Variants in SBK1 observed in about 807,000 individuals in gnomAD.
SBK1 encodes SH3 domain binding kinase 1.
Under a neutral mutation model 24.4 loss-of-function variants are expected in SBK1, and 11 were observed. That is an observed-to-expected ratio of 0.45 (90% confidence interval 0.28 to 0.75). The LOEUF (loss-of-function observed/expected upper bound fraction) is 0.75, where lower values mean the gene tolerates loss of function less well. SBK1 is among the 30% of genes least tolerant of loss of function. The pLI, the probability that SBK1 is intolerant of heterozygous loss-of-function variation, is 0.12. For synonymous variants in SBK1, 308 were observed against 284.4 expected (o/e 1.08, Z -0.83); for missense variants, 467 against 620.5 (o/e 0.75, Z 2.63).
chr16:28,287,286 C>CAAAAAAAAAAAAAAAA (rs56232453), intron 1 of SBK1, among the ~76,000 whole-genome samples: 1 of 124,870 alleles, frequency 8.0e-6, no homozygotes, highest in Non-Finnish European at 1.7e-5. Flanking sequence ...ACTAAAAATA[C>CAAAAAAAAAAAAAAAA]AAAAAAAAAA....
chr16:28,273,062 T>C (rs2044476532), intron 1 of SBK1, among the ~76,000 whole-genome samples: 1 of 151,984 alleles, frequency 6.6e-6, no homozygotes, highest in South Asian at 2.1e-4. Context: ...GGAGTGCTAA[T>C]ACCATTTTGA....
chr16:28,320,951 C>CA lies in SBK1; in HGVS notation c.*31dup. The stretch of plus-strand genomic sequence containing the variant: ...CCTCCGCCGCCCTCGGACCCGGGAG[C>CA]AGCCCGGGCCCGCCCCGAGCCGGTG... On this transcript the variant is annotated 3_prime_UTR_variant, in exon 4 of 4. Transcript: ENST00000341901. The surrounding 1 kb of genome is among the most constrained non-coding windows in gnomAD (Gnocchi z 8.5). 1 of 1,370,248 alleles carries CA rather than the reference C, an allele frequency of 7.3e-7. No individual in the cohort carries two copies. The allele number at this position is 1,370,248 out of a possible 1,614,324, so 84.9% of individuals were successfully genotyped here. A position where few individuals can be genotyped will look rare whatever the true frequency, so the allele number is the denominator to read the frequency against.
In SBK1 at chr16:28,320,536, C is replaced by T; in HGVS notation, c.890C>T (p.Ala297Val). Reference protein sequence around the residue: ...PALRMFQRLLALEPERRGPAK... With the variant: ...PALRMFQRLLVLEPERRGPAK... ...CTGCGCATGTTCCAGCGCTTACTGG[C>T]CCTGGAGCCCGAGCGCCGCGGCCCA... Residue 297 changes from alanine to valine, a missense_variant, in exon 4 of 4, where the codon GCC becomes GTC. Ala to Val is a moderately conservative substitution (Grantham distance 64). This residue lies in a region of SBK1 where 86 missense variants were observed against 121.7 expected (regional missense o/e 0.71). Transcript: ENST00000341901. This position sits in a 1 kb window ranked among gnomAD's most constrained non-coding sequence, Gnocchi z 8.5. 6.4e-7 allele frequency: 1 copy of T among 1,561,660 alleles called. No homozygotes were observed. The highest frequency in any genetic ancestry group is 8.6e-7 in the Non-Finnish European group (1 of 1,160,736).
intron 1 of SBK1, among the ~76,000 whole-genome samples, chr16:28,296,860 A>C (rs1216985505): frequency 6.6e-6 from 1 of 152,174 alleles, no homozygotes; most frequent in African/African-American, 2.4e-5. Context: ...GGTCTTGCTC[A>C]GGACTCTTGG....
intron 1 of SBK1, among the ~76,000 whole-genome samples, chr16:28,304,677 G>A (rs369076887): frequency 6.6e-6 from 1 of 151,338 alleles, no homozygotes; most frequent in Admixed American, 6.6e-5. Context: ...GCACAATCTC[G>A]GCTCACTGCA....
chr16:28,307,143 G>A (rs2044722363), intron 1 of SBK1, among the ~76,000 whole-genome samples: 1 of 152,188 alleles, frequency 6.6e-6, no homozygotes, highest in South Asian at 2.1e-4. Context: ...GGTGCTAGAA[G>A]AGGTTGATGA....
chr16:28,298,695 G>A (rs971979824), intron 1 of SBK1, among the ~76,000 whole-genome samples: 1 of 152,260 alleles, frequency 6.6e-6, no homozygotes, highest in Non-Finnish European at 1.5e-5. Flanking sequence ...CAGGCCCAGG[G>A]AACTGCTGTG....
chr16:28,295,740 T>C (rs554093954), intron 1 of SBK1, among the ~76,000 whole-genome samples: 5 of 152,202 alleles, frequency 3.3e-5, no homozygotes, highest in Admixed American at 3.3e-4. Flanking sequence ...ATACAAAAGC[T>C]GATTTTTGGA....
chr16:28,297,609 A>T (rs1000013055), intron 1 of SBK1, among the ~76,000 whole-genome samples: 1 of 152,226 alleles, frequency 6.6e-6, no homozygotes, highest in Non-Finnish European at 1.5e-5. Flanking sequence ...TCTGGGCCTC[A>T]GTGCCCTCAT....
intron 1 of SBK1, among the ~76,000 whole-genome samples, chr16:28,303,609 A>G (rs1334987521): frequency 7.5e-6 from 1 of 132,690 alleles, no homozygotes; most frequent in East Asian, 2.2e-4. Context: ...CGAATTCCTG[A>G]GTTCAAGAAA....
At chr16:28,309,976 T>A (rs1170182420) in intron 1 of SBK1, among the ~76,000 whole-genome samples, 2 of 152,200 alleles carry the variant, frequency 1.3e-5, no homozygotes, top group African/African-American at 4.8e-5. Flanking sequence ...TGTCGTTTCA[T>A]AAGGGTGGTG....
At chr16:28,311,410 T>C (rs2044754036) in intron 1 of SBK1, among the ~76,000 whole-genome samples, 1 of 151,690 alleles carries the variant, frequency 6.6e-6, no homozygotes, top group African/African-American at 2.4e-5. Context: ...TCTTCAGGAA[T>C]TGAGGAGATA....
intron 1 of SBK1, among the ~76,000 whole-genome samples, chr16:28,281,254 T>C (rs894697881): frequency 2.0e-5 from 3 of 152,140 alleles, no homozygotes; most frequent in Admixed American, 2.0e-4. Context: ...ATTAACTGAC[T>C]TAATTAGGGC....
rs772639642 is a variant in SBK1, at chr16:28,317,474, G to A, written c.83G>A (p.Gly28Asp). ...GPGTAPGPGA[G>D]VPLLTEDMQA... ...GGGACTGCCCCTGGGCCTGGTGCCG[G>A]TGTGCCCCTTCTCACTGAAGACATG... The change falls in exon 2 of 4, where the codon GGT (glycine) becomes GAT (aspartate). Residue 28 changes from glycine to aspartate, a missense_variant. Physicochemically the swap from Gly to Asp is moderately conservative, Grantham distance 94. Around this residue, in one of 4 missense-constraint regions of SBK1, gnomAD observed 123 missense variants for 158.2 expected, o/e 0.78. Transcript: ENST00000341901. The surrounding 1 kb of genome is among the most constrained non-coding windows in gnomAD (Gnocchi z 4.2). The A allele has an allele frequency of 6.2e-7, 1 of 1,614,172 alleles. No individual in the cohort carries two copies. The highest frequency in any genetic ancestry group is 1.7e-5 in the Admixed American group (1 of 60,020).
chr16:28,315,983 C>G (rs558226853), intron 1 of SBK1, among the ~76,000 whole-genome samples: 49 of 152,212 alleles, frequency 3.2e-4, no homozygotes, highest in African/African-American at 1.1e-3. Flanking sequence ...CCAGTCTGGT[C>G]TCGAACTCCT....
intron 1 of SBK1, among the ~76,000 whole-genome samples, chr16:28,298,509 A>T (rs1190401371): frequency 6.6e-6 from 1 of 152,228 alleles, no homozygotes; most frequent in African/African-American, 2.4e-5. Context: ...TGGGCAGGTC[A>T]GTTGTCTCCT....
In SBK1 at chr16:28,322,936, C is replaced by G. The variant is rs1373467848; in HGVS notation, c.*2015C>G. ...TCGCGCGCGCTCTCTCTCTCCCTCT[C>G]TCTCTCTCTCTCTCTCTCTCTCTCT... On this transcript the variant is annotated 3_prime_UTR_variant, in exon 4 of 4. Coordinates refer to ENST00000341901, the MANE Select transcript of SBK1 (RefSeq NM_001024401.3). 8 of 16,084 alleles carry G rather than the reference C, an allele frequency of 5.0e-4. No individual in the cohort carries two copies. The highest frequency in any genetic ancestry group is 1.5e-3 in the African/African-American group (8 of 5,482). 1.0% of individuals were successfully genotyped at this position (16,084 alleles called of 1,614,324 possible).
At chr16:28,278,996 C>T (rs1168608836) in intron 1 of SBK1, among the ~76,000 whole-genome samples, 2 of 152,024 alleles carry the variant, frequency 1.3e-5, no homozygotes, top group Non-Finnish European at 1.5e-5. Flanking sequence ...GAGGCCAAGG[C>T]GGGTGGATCA....
chr16:28,275,390 A>C (rs143811494), intron 1 of SBK1, among the ~76,000 whole-genome samples: 1 of 152,318 alleles, frequency 6.6e-6, no homozygotes, highest in South Asian at 2.1e-4. Context: ...TTGAATACAA[A>C]TTAAAAGTAT....
Sources: gnomAD v4.1 joint callset for allele counts (sites outside exome capture counted in the v4.1 genomes callset) on GRCh38, gnomAD v4.1.1 for gene constraint, gnomAD v4.1.1 regional missense constraint, Gnocchi (gnomAD v3.1) non-coding constraint, MANE v1.5 for transcripts, NCBI Gene and HGNC (gene_info 2026-07-23, HGNC 2026-07-21) for gene names.